The following DIAPH3 variants were observed in gnomAD, a reference collection of about 807,000 sequenced individuals.
The protein encoded by DIAPH3 is protein diaphanous homolog 3.
A neutral mutation model predicts 144.3 loss-of-function variants in DIAPH3; 117 were observed. The observed-to-expected ratio is 0.81, with a 90% CI of 0.70 to 0.95. DIAPH3 has a LOEUF of 0.95. Ranked by LOEUF, DIAPH3 falls within the 40% of genes least tolerant of loss-of-function variation. The pLI is 0.00. For missense variants in DIAPH3, 1,421 were observed against 1,412.7 expected, an observed-to-expected ratio of 1.01 and a Z score of -0.09; for synonymous variants, 519 against 488.9, an observed-to-expected ratio of 1.06 and a Z score of -0.81.
At chr13:60,084,801 GT>G (rs1441716171) in intron 4 of DIAPH3, among the ~76,000 whole-genome samples, 1 of 152,040 alleles carries the variant, frequency 6.6e-6, no homozygotes, top group Non-Finnish European at 1.5e-5. Flanking sequence ...CATATTGATA[GT>G]AAGAGGCTAT....
chr13:59,942,143 T>C (rs1301397409), intron 17 of DIAPH3, among the ~76,000 whole-genome samples: 1 of 152,204 alleles, frequency 6.6e-6, no homozygotes, highest in Non-Finnish European at 1.5e-5. Context: ...ATAACCATTA[T>C]ACAGATTTCC....
At chr13:60,084,033 G>C (rs1253394715) in intron 4 of DIAPH3, among the ~76,000 whole-genome samples, 1 of 151,802 alleles carries the variant, frequency 6.6e-6, no homozygotes, top group Non-Finnish European at 1.5e-5. Context: ...TAGATAGATA[G>C]ATAGATAGAT....
intron 24 of DIAPH3, among the ~76,000 whole-genome samples, chr13:59,817,241 G>A (rs369639592): frequency 4.8e-4 from 73 of 151,846 alleles, no homozygotes; most frequent in African/African-American, 1.3e-3. Flanking sequence ...ATTGTTTAAC[G>A]CTTGTCTTTA....
intron 17 of DIAPH3, among the ~76,000 whole-genome samples, chr13:59,941,344 G>A (rs1287327174): frequency 2.0e-5 from 3 of 152,086 alleles, no homozygotes; most frequent in South Asian, 4.2e-4. Flanking sequence ...AACTCGCAGG[G>A]GATCAGAAGG....
chr13:59,752,857 A>T (rs1201599393), intron 27 of DIAPH3, among the ~76,000 whole-genome samples: 1 of 152,232 alleles, frequency 6.6e-6, no homozygotes, highest in East Asian at 1.9e-4. Context: ...CACATTAGCT[A>T]GTTCTGGTTT....
intron 12 of DIAPH3, among the ~76,000 whole-genome samples, chr13:59,989,541 G>A (rs2051672939): frequency 6.6e-6 from 1 of 151,724 alleles, no homozygotes; most frequent in African/African-American, 2.4e-5. Flanking sequence ...AAGATACCCG[G>A]GGTTTAAAGA....
At chr13:59,986,911 G>A (rs2051425306) in intron 12 of DIAPH3, among the ~76,000 whole-genome samples, 1 of 149,498 alleles carries the variant, frequency 6.7e-6, no homozygotes, top group East Asian at 2.0e-4. Context: ...GTGGAAGTCA[G>A]TGTGGCGATT....
intron 27 of DIAPH3, among the ~76,000 whole-genome samples, chr13:59,754,378 G>C (rs569881141): frequency 1.3e-5 from 2 of 152,240 alleles, no homozygotes; most frequent in Non-Finnish European, 2.9e-5. Context: ...CGTCTGACAC[G>C]TAGTAAGTGG....
chr13:59,774,857 C>T, intron 25 of DIAPH3, 34 bp from the exon 26 acceptor site: 1 of 1,564,052 alleles, frequency 6.4e-7, no homozygotes, highest in Non-Finnish European at 8.8e-7. Flanking sequence ...TCCATCAGCC[C>T]TCAGGGTTAC....
intron 2 of DIAPH3, among the ~76,000 whole-genome samples, chr13:60,132,187 C>T (rs572807159): frequency 6.6e-6 from 1 of 152,002 alleles, no homozygotes; most frequent in Non-Finnish European, 1.5e-5. Context: ...TCTGCCTTAC[C>T]CAGGTGCATA....
chr13:59,767,376 A>G (rs1189504438), intron 27 of DIAPH3, among the ~76,000 whole-genome samples: 1 of 152,224 alleles, frequency 6.6e-6, no homozygotes. Flanking sequence ...AACAGAGACA[A>G]TGTGTAACAA....
At chr13:60,160,641 G>A (rs1039907986) in intron 1 of DIAPH3, among the ~76,000 whole-genome samples, 3 of 152,108 alleles carry the variant, frequency 2.0e-5, no homozygotes, top group Non-Finnish European at 4.4e-5. Flanking sequence ...TAATTCCTAC[G>A]GAATTTTATC....
chr13:59,970,340 C>G (rs568586422), intron 16 of DIAPH3, among the ~76,000 whole-genome samples: 3 of 152,222 alleles, frequency 2.0e-5, no homozygotes, highest in Admixed American at 1.3e-4. Context: ...TAATCTTCAC[C>G]TGCACTATAC....
chr13:60,031,661 G>A (rs772638798), intron 5 of DIAPH3, among the ~76,000 whole-genome samples: 6 of 148,986 alleles, frequency 4.0e-5, no homozygotes, highest in Non-Finnish European at 5.9e-5. Flanking sequence ...TTCCAAATGG[G>A]AGAAATCAGC....
intron 17 of DIAPH3, among the ~76,000 whole-genome samples, chr13:59,929,028 G>A (rs2047889784): frequency 6.6e-6 from 1 of 152,104 alleles, no homozygotes; most frequent in Non-Finnish European, 1.5e-5. Context: ...ATCACTAAAG[G>A]TAAAGTTCAA....
At chr13:60,158,039 T>C (rs1952112477) in intron 1 of DIAPH3, among the ~76,000 whole-genome samples, 1 of 152,192 alleles carries the variant, frequency 6.6e-6, no homozygotes, top group African/African-American at 2.4e-5. Context: ...TATATTCTAG[T>C]TTTAACCACC....
At chr13:59,752,432 A>G (rs1389316850) in intron 27 of DIAPH3, among the ~76,000 whole-genome samples, 3 of 149,358 alleles carry the variant, frequency 2.0e-5, no homozygotes, top group African/African-American at 7.5e-5. Flanking sequence ...CAGTGGTACT[A>G]TCATGGCTCA....
chr13:59,894,200 C>A (rs929706834), intron 20 of DIAPH3, among the ~76,000 whole-genome samples: 1 of 151,744 alleles, frequency 6.6e-6, no homozygotes, highest in Non-Finnish European at 1.5e-5. Context: ...ATCAGAAGGG[C>A]CAGGTCTGTG....
chr13:60,067,379 T>C (rs889897642), intron 4 of DIAPH3, among the ~76,000 whole-genome samples: 1 of 152,160 alleles, frequency 6.6e-6, no homozygotes, highest in African/African-American at 2.4e-5. Context: ...TTAAGTCAAA[T>C]ATATACAGGC....
Sources: gnomAD v4.1 joint callset for allele counts (sites outside exome capture counted in the v4.1 genomes callset) on GRCh38, gnomAD v4.1.1 for gene constraint, MANE v1.5 for transcripts, NCBI Gene and HGNC (gene_info 2026-07-23, HGNC 2026-07-21) for gene names.